The following C12orf42 variants were observed in gnomAD, a reference collection of about 807,000 sequenced individuals.
The protein encoded by C12orf42 is uncharacterized protein C12orf42.
A neutral mutation model predicts 21.6 loss-of-function variants in C12orf42; 25 were observed. The ratio of observed to expected loss-of-function variants is 1.16; its 90% CI spans 0.84 to 1.62. The LOEUF (loss-of-function observed/expected upper bound fraction) is 1.62. Among genes scored for constraint, C12orf42 ranks in the 40% most tolerant of loss-of-function variants. C12orf42 has a pLI of 0.00. For missense variants in C12orf42, 483 were observed against 459.3 expected (o/e 1.05, Z -0.47); for synonymous variants, 174 against 175.0 (o/e 0.99, Z 0.05).
intron 4 of C12orf42, among the ~76,000 whole-genome samples, chr12:103,320,424 T>G (rs1289166412): frequency 6.6e-6 from 1 of 152,160 alleles, no homozygotes; most frequent in African/African-American, 2.4e-5. Flanking sequence ...GACCGGTAAA[T>G]CCATGAAATT....
chr12:103,289,433 T>C (rs2036660936), intron 4 of C12orf42, among the ~76,000 whole-genome samples: 1 of 152,148 alleles, frequency 6.6e-6, no homozygotes, highest in Non-Finnish European at 1.5e-5. Context: ...TGCATGCATT[T>C]TACAATTTTA....
At chr12:103,118,803 A>AAT in the C12orf42 span, among the ~76,000 whole-genome samples, 1 of 142,788 alleles carries the variant, frequency 7.0e-6, no homozygotes, top group Non-Finnish European at 1.5e-5. Flanking sequence ...AAAAAAAAAA[A>AAT]ATACTAGTTT....
intron 3 of C12orf42, among the ~76,000 whole-genome samples, chr12:103,371,008 TGATTTGGATATTGTATA>T (rs1158018753): frequency 6.6e-6 from 1 of 152,172 alleles, no homozygotes; most frequent in Non-Finnish European, 1.5e-5. Flanking sequence ...TCAATTCAGA[TGATTTGGATATTGTATA>T]GATTTGGATA....
the C12orf42 span, among the ~76,000 whole-genome samples, chr12:103,128,770 TA>T: frequency 6.6e-6 from 1 of 152,210 alleles, no homozygotes; most frequent in Non-Finnish European, 1.5e-5. Flanking sequence ...GATCACTCAA[TA>T]AAGTCTTTTC....
intron 10 of C12orf42, among the ~76,000 whole-genome samples, chr12:103,244,759 C>T (rs1183842923): frequency 6.6e-6 from 1 of 151,898 alleles, no homozygotes; most frequent in Non-Finnish European, 1.5e-5. Flanking sequence ...TCTTTTCTCA[C>T]TTCCTTCCTG....
chr12:103,170,290 T>C, the C12orf42 span, among the ~76,000 whole-genome samples: 8 of 152,212 alleles, frequency 5.3e-5, no homozygotes, highest in African/African-American at 1.9e-4. Context: ...GCATGCTTAA[T>C]ATTTTCATTT....
chr12:103,202,744 A>G, the C12orf42 span, among the ~76,000 whole-genome samples: 3 of 152,222 alleles, frequency 2.0e-5, no homozygotes, highest in African/African-American at 7.2e-5. Flanking sequence ...AAGCTAAGTG[A>G]CTTCCTTCAA....
intron 3 of C12orf42, among the ~76,000 whole-genome samples, chr12:103,372,778 C>T (rs920459157): frequency 6.6e-6 from 1 of 152,154 alleles, no homozygotes; most frequent in Non-Finnish European, 1.5e-5. Context: ...CAGTGAGTCT[C>T]GTCTTCTTCA....
In C12orf42 at chr12:103,471,837, C is replaced by A. The variant is rs977534153; in HGVS notation, c.78+6512G>T. ...ACCTCTCTATTTTTCCATTCTATTT[C>A]TCTTTCTTAAAAATGTAGATAGTAA... On this transcript the variant is annotated intron_variant, in intron 2 of 5. Transcript: ENST00000548883. 13 of 152,284 alleles carry A rather than the reference C, an allele frequency of 8.5e-5. 1 individual carries two copies. The highest frequency in any genetic ancestry group is 2.6e-4 in the Admixed American group (4 of 15,306). 9.4% of individuals were successfully genotyped at this position (152,284 alleles called of 1,614,324 possible).
At chr12:103,115,591 C>T in the C12orf42 span, among the ~76,000 whole-genome samples, 180 of 152,208 alleles carry the variant, frequency 1.2e-3, 4 homozygotes, top group African/African-American at 3.9e-3. Context: ...ACCCACTTCC[C>T]GGAGTTGTTT....
chr12:103,361,175 C>T (rs190612338), intron 4 of C12orf42, among the ~76,000 whole-genome samples: 1 of 152,200 alleles, frequency 6.6e-6, no homozygotes, highest in Non-Finnish European at 1.5e-5. Context: ...TCCTGCAGGA[C>T]CCAGGAGACA....
intron 2 of C12orf42, among the ~76,000 whole-genome samples, chr12:103,451,553 G>A (rs1362169487): frequency 6.6e-6 from 1 of 151,926 alleles, no homozygotes; most frequent in East Asian, 1.9e-4. Context: ...GTCTCTTTAT[G>A]TGCCCTATAA....
the C12orf42 span, among the ~76,000 whole-genome samples, chr12:103,121,632 A>G: frequency 4.6e-5 from 7 of 152,298 alleles, no homozygotes; most frequent in African/African-American, 1.7e-4. Flanking sequence ...CATCATCCCA[A>G]GTATCCTACA....
chr12:103,225,243 G>A, the C12orf42 span, among the ~76,000 whole-genome samples: 9 of 152,176 alleles, frequency 5.9e-5, no homozygotes, highest in Admixed American at 2.0e-4. Flanking sequence ...AGGGTGGATA[G>A]GCAAAACAAT....
At chr12:103,181,326 T>C in the C12orf42 span, among the ~76,000 whole-genome samples, 1 of 151,742 alleles carries the variant, frequency 6.6e-6, no homozygotes, top group African/African-American at 2.4e-5. Context: ...GGATCTGAGA[T>C]TGAATTAGGA....
At chr12:103,285,861 C>G (rs142080305) in intron 4 of C12orf42, among the ~76,000 whole-genome samples, 1 of 152,106 alleles carries the variant, frequency 6.6e-6, no homozygotes, top group African/African-American at 2.4e-5. Context: ...TCTGTGAAAG[C>G]AGGGATTTTT....
chr12:103,063,062 C>A, the C12orf42 span, among the ~76,000 whole-genome samples: 1 of 152,070 alleles, frequency 6.6e-6, no homozygotes, highest in South Asian at 2.1e-4. Context: ...CCTGAAACAC[C>A]GCTCATGAGA....
chr12:103,322,128 C>T (rs943784553), intron 4 of C12orf42, among the ~76,000 whole-genome samples: 54 of 32,398 alleles, frequency 1.7e-3, no homozygotes, highest in African/African-American at 0.015. Context: ...CGCGCGCGCA[C>T]ACACACACAC....
intron 1 of C12orf42, among the ~76,000 whole-genome samples, chr12:103,486,930 GA>G (rs1204978156): frequency 6.6e-6 from 1 of 152,072 alleles, no homozygotes; most frequent in Non-Finnish European, 1.5e-5. Flanking sequence ...TTGATTTTTT[GA>G]AGGGATTTTT....
Sources: allele counts gnomAD v4.1 joint callset (sites outside exome capture counted in the v4.1 genomes callset), GRCh38; gene constraint gnomAD v4.1.1; transcripts MANE v1.5; gene names NCBI Gene and HGNC (gene_info 2026-07-23, HGNC 2026-07-21).